The following CAMTA1 variants were observed in gnomAD, a reference collection of about 807,000 sequenced individuals.
CAMTA1 encodes calmodulin-binding transcription activator 1.
Under a neutral mutation model 170.9 loss-of-function variants are expected in CAMTA1, and 27 were observed. That is an observed-to-expected ratio of 0.16 (90% CI 0.12 to 0.22). The LOEUF is 0.22. Among genes scored for constraint, CAMTA1 ranks in the 10% least tolerant of loss-of-function variants. The probability of loss-of-function intolerance (pLI) is 1.00; values close to 1 mark genes in which losing one functional copy is unlikely to be tolerated. For synonymous variants in CAMTA1, 833 were observed against 891.5 expected, an observed-to-expected ratio of 0.93 and a Z score of 1.17; for missense variants, 1,619 against 2,217.2, an observed-to-expected ratio of 0.73 and a Z score of 5.42.
At chr1:7,138,800 G>C (rs1373403182) in intron 4 of CAMTA1, among the ~76,000 whole-genome samples, 2 of 152,030 alleles carry the variant, frequency 1.3e-5, no homozygotes, top group Non-Finnish European at 2.9e-5. Flanking sequence ...TTTGAGACCA[G>C]TCTGGCCAAC....
At chr1:7,208,035 C>G (rs770228138) in intron 4 of CAMTA1, among the ~76,000 whole-genome samples, 6 of 152,224 alleles carry the variant, frequency 3.9e-5, no homozygotes, top group Non-Finnish European at 7.3e-5. Flanking sequence ...ACATCCCTTC[C>G]GAGCTGGAAG....
intron 6 of CAMTA1, among the ~76,000 whole-genome samples, chr1:7,504,424 G>T (rs2149822153): frequency 6.6e-6 from 1 of 152,336 alleles, no homozygotes; most frequent in South Asian, 2.1e-4. Context: ...GGTATCTGAG[G>T]ACCCTGCTAG....
chr1:7,417,771 C>T (rs375938674), intron 5 of CAMTA1, among the ~76,000 whole-genome samples: 24 of 152,090 alleles, frequency 1.6e-4, no homozygotes, highest in South Asian at 2.1e-4. Flanking sequence ...CACAGTGTGC[C>T]GCACCCACTG....
intron 5 of CAMTA1, among the ~76,000 whole-genome samples, chr1:7,385,279 C>T (rs1171725288): frequency 1.3e-5 from 2 of 151,968 alleles, no homozygotes; most frequent in Non-Finnish European, 2.9e-5. Flanking sequence ...TTAGTAGAGA[C>T]AAGGTTTCAC....
intron 3 of CAMTA1, among the ~76,000 whole-genome samples, chr1:7,029,800 CTT>C (rs1206132636): frequency 6.6e-6 from 1 of 152,080 alleles, no homozygotes; most frequent in African/African-American, 2.4e-5. Context: ...AATATGCAAA[CTT>C]ATTAAAATTA....
intron 22 of CAMTA1, 91 bp from the exon 23 acceptor site, chr1:7,766,368 G>A (rs552907450): frequency 1.6e-6 from 2 of 1,221,534 alleles, no homozygotes; most frequent in Non-Finnish European, 2.4e-6. Flanking sequence ...TGGCTTTTCA[G>A]TTCAGAGGGA....
intron 4 of CAMTA1, among the ~76,000 whole-genome samples, chr1:7,181,571 T>C (rs1289572818): frequency 6.6e-6 from 1 of 152,186 alleles, no homozygotes; most frequent in Non-Finnish European, 1.5e-5. Flanking sequence ...TTATTAACTT[T>C]CTTGTACATA....
intron 6 of CAMTA1, among the ~76,000 whole-genome samples, chr1:7,489,200 C>T (rs566491504): frequency 2.0e-5 from 3 of 152,370 alleles, no homozygotes; most frequent in Admixed American, 6.5e-5. Flanking sequence ...TGATGCCTGC[C>T]GCCCCCTAGA....
chr1:7,362,156 G>T (rs4908626), intron 5 of CAMTA1, among the ~76,000 whole-genome samples: 31,360 of 152,234 alleles, frequency 0.21, 3,850 homozygotes, highest in East Asian at 0.55. Flanking sequence ...TCCTGGTCAT[G>T]TGACTTTATA....
chr1:7,477,368 A>G (rs1479386158), intron 6 of CAMTA1, among the ~76,000 whole-genome samples: 2 of 152,140 alleles, frequency 1.3e-5, no homozygotes, highest in Non-Finnish European at 2.9e-5. Flanking sequence ...CAGCTTCCAC[A>G]TCTTTCTCCA....
rs2096771932 is a variant in CAMTA1, at chr1:7,736,289, G to C, written c.3067-55G>C. The C allele has an allele frequency of 6.7e-7, 1 of 1,483,490 alleles. No homozygotes were observed. The highest frequency in any genetic ancestry group is 9.3e-7 in the Non-Finnish European group (1 of 1,073,666). 91.9% of individuals were successfully genotyped at this position (1,483,490 alleles called of 1,614,324 possible). On this transcript the variant is annotated intron_variant, in intron 12 of 22. Coordinates refer to ENST00000303635, the MANE Select transcript of CAMTA1 (RefSeq NM_015215.4). This position sits in a 1 kb window ranked among gnomAD's most constrained non-coding sequence, Gnocchi z 4.5. ...TTTGTTTCCCCTACATCGAAGCGCT[G>C]ATGGGGTCGAGGGCCTTTAGTCCTG...
At chr1:7,226,779 TTCTATCAATA>T (rs1469078861) in intron 4 of CAMTA1, among the ~76,000 whole-genome samples, 1 of 152,172 alleles carries the variant, frequency 6.6e-6, no homozygotes, top group Non-Finnish European at 1.5e-5. Flanking sequence ...CTATCTACTA[TTCTATCAATA>T]TCCTGTGATT....
chr1:7,331,876 C>T (rs1487040729), intron 5 of CAMTA1, among the ~76,000 whole-genome samples: 1 of 152,168 alleles, frequency 6.6e-6, no homozygotes, highest in African/African-American at 2.4e-5. Flanking sequence ...TTTGGATGAT[C>T]CCACAGAGCT....
At chr1:6,938,940 G>A (rs1048274839) in intron 3 of CAMTA1, among the ~76,000 whole-genome samples, 1 of 152,214 alleles carries the variant, frequency 6.6e-6, no homozygotes, top group Admixed American at 6.5e-5. Context: ...CAGTTCCCAA[G>A]ACGTTTGGGC....
intron 6 of CAMTA1, among the ~76,000 whole-genome samples, chr1:7,492,782 CACAA>C (rs760029575): frequency 1.2e-3 from 172 of 145,138 alleles, no homozygotes; most frequent in Non-Finnish European, 2.2e-3. Context: ...CAAGTGCACA[CACAA>C]ACACAAACCT....
intron 4 of CAMTA1, among the ~76,000 whole-genome samples, chr1:7,176,272 G>T (rs1195377672): frequency 6.6e-6 from 1 of 152,210 alleles, no homozygotes; most frequent in East Asian, 1.9e-4. Flanking sequence ...TGTCCGAGCA[G>T]GAGGAGCAGC....
intron 5 of CAMTA1, among the ~76,000 whole-genome samples, chr1:7,452,666 A>G: frequency 6.6e-6 from 1 of 152,078 alleles, no homozygotes. Context: ...GTCTGTTTTC[A>G]AGGTTCATCC....
chr1:6,822,445 A>C (rs1402515861), intron 2 of CAMTA1, among the ~76,000 whole-genome samples: 1 of 152,136 alleles, frequency 6.6e-6, no homozygotes, highest in Non-Finnish European at 1.5e-5. Flanking sequence ...TTCTTTTCTC[A>C]GTATTAAACT....
At chr1:7,228,368 C>T (rs897553565) in intron 4 of CAMTA1, among the ~76,000 whole-genome samples, 2 of 152,162 alleles carry the variant, frequency 1.3e-5, no homozygotes, top group African/African-American at 4.8e-5. Context: ...TTTGGGGGGC[C>T]GAGGCGGGCA....
Sources: gnomAD v4.1 joint callset for allele counts (sites outside exome capture counted in the v4.1 genomes callset) on GRCh38, gnomAD v4.1.1 for gene constraint, Gnocchi (gnomAD v3.1) non-coding constraint, MANE v1.5 for transcripts, NCBI Gene and HGNC (gene_info 2026-07-23, HGNC 2026-07-21) for gene names.